The following KCNJ6 variants were observed in gnomAD, a reference collection of about 807,000 sequenced individuals.
KCNJ6 encodes the protein potassium inwardly rectifying channel subfamily J member 6, also known as G protein-activated inward rectifier potassium channel 2.
In KCNJ6, 9 loss-of-function variants were observed where a neutral mutation model predicts 34.2. The observed-to-expected ratio is 0.26, with a 90% CI of 0.16 to 0.46. The LOEUF (loss-of-function observed/expected upper bound fraction) is 0.46, where lower values mean the gene tolerates loss of function less well. Ranked by LOEUF, KCNJ6 falls within the 20% of genes least tolerant of loss-of-function variation. KCNJ6 has a pLI of 1.00. For missense variants in KCNJ6, 236 were observed against 531.3 expected (o/e 0.44, Z 5.46); for synonymous variants, 196 against 207.1 (o/e 0.95, Z 0.46).
At chr21:37,667,785 C>T (rs2054523279) in intron 3 of KCNJ6, among the ~76,000 whole-genome samples, 1 of 152,062 alleles carries the variant, frequency 6.6e-6, no homozygotes, top group Non-Finnish European at 1.5e-5. Context: ...CAAAATGCCT[C>T]CATATATTGC....
chr21:37,714,789 T>C lies in KCNJ6; in HGVS notation c.368A>G (p.His123Arg), dbSNP rs1246682910. The change falls in exon 3 of 4, where the codon CAC becomes CGC. Residue 123 changes from histidine (H) to arginine (R), a missense_variant. Coordinates refer to ENST00000609713, the MANE Select transcript of KCNJ6 (RefSeq NM_002240.5). This position sits in a 1 kb window ranked among gnomAD's most constrained non-coding sequence, Gnocchi z 5.9. Reference protein sequence around the residue: ...LIAYIRGDMDHIEDPSWTPCV... With the variant: ...LIAYIRGDMDRIEDPSWTPCV... ...AGGAGTCCAGGAGGGGTCCTCTATG[T>C]GGTCCATGTCTCCCCGTATGTATGC... 6.2e-7 allele frequency: 1 copy of C among 1,614,102 alleles called. No homozygotes were observed. Among genetic ancestry groups the C allele is most frequent in the African/African-American group, 1.3e-5 (1 of 74,930 alleles).
At chr21:37,825,265 G>A (rs1468209996) in intron 2 of KCNJ6, among the ~76,000 whole-genome samples, 2 of 152,034 alleles carry the variant, frequency 1.3e-5, no homozygotes, top group Non-Finnish European at 2.9e-5. Flanking sequence ...TATACCGTAG[G>A]ACATTTTGAA....
At chr21:37,761,727 G>C (rs985452640) in intron 2 of KCNJ6, among the ~76,000 whole-genome samples, 3 of 150,884 alleles carry the variant, frequency 2.0e-5, no homozygotes, top group African/African-American at 7.3e-5. Flanking sequence ...TTGTGTGTGT[G>C]GTGTGTGTCG....
intron 2 of KCNJ6, among the ~76,000 whole-genome samples, chr21:37,811,404 A>C (rs761194390): frequency 5.3e-5 from 8 of 152,244 alleles, no homozygotes; most frequent in Non-Finnish European, 7.3e-5. Context: ...GAGGATGTCC[A>C]GGACTTGTGA....
chr21:37,854,743 CAT>C (rs35910181), intron 1 of KCNJ6, among the ~76,000 whole-genome samples: 52,608 of 151,940 alleles, frequency 0.35, 9,775 homozygotes, highest in South Asian at 0.56. Context: ...CAAAATATCA[CAT>C]GAGATATTCA....
Position 37,607,482 on chromosome 21 carries a change from A to ATATTT in KCNJ6, c.*17676_*17677insAAATA. 4.2e-4 allele frequency: 57 copies of ATATTT among 136,764 alleles called. No homozygotes were observed. The highest frequency in any genetic ancestry group is 1.5e-3 in the African/African-American group (54 of 36,478). 8.5% of individuals were successfully genotyped at this position (136,764 alleles called of 1,614,324 possible). A position where few individuals can be genotyped will look rare whatever the true frequency, so the allele number is the denominator to read the frequency against. On this transcript the variant is annotated 3_prime_UTR_variant, in exon 4 of 4. Coordinates refer to ENST00000609713, the MANE Select transcript of KCNJ6 (RefSeq NM_002240.5). Reference sequence around the variant, plus strand: ...CTTAAAGATATATATATATATATATATTTTTTTTTTATTTTAAAAAAATTT... The same window carrying ATATTT: ...CTTAAAGATATATATATATATATATATATTTTTTTTTTTTTATTTTAAAAAAATTT...
intron 1 of KCNJ6, among the ~76,000 whole-genome samples, chr21:37,868,819 G>A: frequency 6.6e-6 from 1 of 152,218 alleles, no homozygotes; most frequent in Non-Finnish European, 1.5e-5. Context: ...GGAGGACAGA[G>A]GCGCTGGCAA....
intron 3 of KCNJ6, among the ~76,000 whole-genome samples, chr21:37,663,909 T>C (rs1709818): frequency 0.58 from 87,861 of 152,058 alleles, 25,654 homozygotes; most frequent in East Asian, 0.85. Flanking sequence ...ATCCCACAGC[T>C]GGCCTTGCAT....
In KCNJ6 at chr21:37,848,930, G is replaced by A. The variant is rs574104128; in HGVS notation, c.-27-8221C>T. 5.3e-5 allele frequency among the ~76,000 whole-genome samples: 8 copies of A among 152,308 alleles called. No individual in the cohort carries two copies. In the South Asian group the frequency reaches 1.2e-3, roughly 24 times the overall value. On this transcript the variant is annotated intron_variant, in intron 1 of 3. Coordinates refer to ENST00000609713, the MANE Select transcript of KCNJ6 (RefSeq NM_002240.5). ...CGTCAATATCCAGACAATGTTTCAC[G>A]AATTTCCCCAGGGGAGTTGGTTTCT...
At chr21:37,818,194 G>A (rs558492525) in intron 2 of KCNJ6, among the ~76,000 whole-genome samples, 1,560 of 39,436 alleles carry the variant, frequency 0.04, 27 homozygotes, top group African/African-American at 0.2. Context: ...TTAAAAGTGC[G>A]TGTGTGTGTG....
chr21:37,680,713 C>A (rs796308292), intron 3 of KCNJ6, among the ~76,000 whole-genome samples: 2 of 152,310 alleles, frequency 1.3e-5, no homozygotes, highest in African/African-American at 4.8e-5. Context: ...ACTAGGACTA[C>A]ATCATTAGCT....
intron 3 of KCNJ6, among the ~76,000 whole-genome samples, chr21:37,700,101 GA>G (rs370152362): frequency 1.5e-3 from 222 of 146,508 alleles, no homozygotes; most frequent in African/African-American, 3.7e-3. Context: ...TCTGGGAACA[GA>G]AAAAAAAAAG....
chr21:37,871,340 C>T (rs970052284), intron 1 of KCNJ6, among the ~76,000 whole-genome samples: 10 of 152,180 alleles, frequency 6.6e-5, no homozygotes, highest in South Asian at 4.1e-4. Context: ...TAATCACAGA[C>T]GAATGCCAGA....
At chr21:37,676,295 C>G (rs1477070777) in intron 3 of KCNJ6, among the ~76,000 whole-genome samples, 2 of 152,214 alleles carry the variant, frequency 1.3e-5, no homozygotes, top group Non-Finnish European at 2.9e-5. Flanking sequence ...GTGTGAGTCC[C>G]GTGACCTCCA....
At chr21:37,837,114 C>G (rs919515162) in intron 2 of KCNJ6, among the ~76,000 whole-genome samples, 3 of 151,956 alleles carry the variant, frequency 2.0e-5, no homozygotes, top group Non-Finnish European at 2.9e-5. Context: ...CATCATATAC[C>G]GTACATATAT....
intron 3 of KCNJ6, among the ~76,000 whole-genome samples, chr21:37,634,776 T>TC (rs1400661116): frequency 7.4e-6 from 1 of 135,134 alleles, no homozygotes; most frequent in Admixed American, 7.6e-5. Flanking sequence ...TTTTTTTTTT[T>TC]CAGACAGAGT....
intron 3 of KCNJ6, among the ~76,000 whole-genome samples, chr21:37,648,180 G>A (rs539086059): frequency 3.9e-5 from 6 of 152,154 alleles, no homozygotes; most frequent in African/African-American, 9.7e-5. Flanking sequence ...GGTGTAAAAC[G>A]GGGGAGGAAT....
chr21:37,607,482 A>ATATATATATATATATATATAT lies in KCNJ6; in HGVS notation c.*17676_*17677insATATATATATATATATATATA. ...CTTAAAGATATATATATATATATAT[A>ATATATATATATATATATATAT]TTTTTTTTTTATTTTAAAAAAATTT... On this transcript the variant is annotated 3_prime_UTR_variant, in exon 4 of 4. Transcript: ENST00000609713. 7.6e-4 allele frequency: 104 copies of ATATATATATATATATATATAT among 136,734 alleles called. No homozygotes were observed. The highest frequency in any genetic ancestry group is 1.1e-3 in the Admixed American group (15 of 13,436). 8.5% of individuals were successfully genotyped at this position (136,734 alleles called of 1,614,324 possible). A position where few individuals can be genotyped will look rare whatever the true frequency, so the allele number is the denominator to read the frequency against.
intron 2 of KCNJ6, among the ~76,000 whole-genome samples, chr21:37,760,727 C>T (rs2055056910): frequency 6.6e-6 from 1 of 152,208 alleles, no homozygotes; most frequent in African/African-American, 2.4e-5. Flanking sequence ...CAAGAAAATG[C>T]CTCTCAGATG....
Sources: allele counts gnomAD v4.1 joint callset (sites outside exome capture counted in the v4.1 genomes callset), GRCh38; gene constraint gnomAD v4.1.1; non-coding constraint Gnocchi (gnomAD v3.1); transcripts MANE v1.5; gene names NCBI Gene and HGNC (gene_info 2026-07-23, HGNC 2026-07-21).